Variants in CEP85L observed in about 807,000 individuals in gnomAD.
CEP85L encodes centrosomal protein 85L, also known as centrosomal protein of 85 kDa-like.
CEP85L carries 60 observed loss-of-function variants against 100.3 expected under a neutral mutation model. That is an observed-to-expected ratio of 0.60 (90% CI 0.49 to 0.74). The LOEUF (loss-of-function observed/expected upper bound fraction) is 0.74. Ranked by LOEUF, CEP85L falls within the 30% of genes least tolerant of loss-of-function variation. The pLI is 0.00. For synonymous variants in CEP85L, 319 were observed against 322.7 expected (o/e 0.99, Z 0.12); for missense variants, 973 against 936.2 (o/e 1.04, Z -0.51).
chr6:118,467,206 G>T (rs867539692), intron 12 of CEP85L, among the ~76,000 whole-genome samples: 2 of 152,032 alleles, frequency 1.3e-5, no homozygotes, highest in African/African-American at 4.8e-5. Context: ...TAAATGTCTG[G>T]GTAAAGGAGA....
At chr6:118,633,972 T>C (rs902211048) in intron 1 of CEP85L, among the ~76,000 whole-genome samples, 2 of 152,236 alleles carry the variant, frequency 1.3e-5, no homozygotes, top group Non-Finnish European at 2.9e-5. Flanking sequence ...ACTTAAAACA[T>C]TATTTCCACA....
At chr6:118,702,497 G>A (rs1777447578) in intron 1 of CEP85L, among the ~76,000 whole-genome samples, 1 of 152,166 alleles carries the variant, frequency 6.6e-6, no homozygotes, top group Non-Finnish European at 1.5e-5. Context: ...GGGTAACAGA[G>A]GGAGACCCCA....
intron 1 of CEP85L, among the ~76,000 whole-genome samples, chr6:118,706,808 C>A (rs1014736148): frequency 1.3e-5 from 2 of 152,044 alleles, no homozygotes; most frequent in Non-Finnish European, 2.9e-5. Flanking sequence ...CAATCACAAT[C>A]CCCTCCTCTT....
chr6:118,698,669 G>T (rs1777293676), intron 1 of CEP85L, among the ~76,000 whole-genome samples: 3 of 152,150 alleles, frequency 2.0e-5, no homozygotes, highest in Admixed American at 2.0e-4. Context: ...ACTTGACTTA[G>T]CCTACAGTTA....
intron 2 of CEP85L, among the ~76,000 whole-genome samples, chr6:118,600,300 G>GGGGGTGTGTGTGTGTGT (rs1562297733): frequency 1.5e-4 from 8 of 52,236 alleles, no homozygotes; most frequent in Admixed American, 2.1e-4. Context: ...CCTTCCTGGG[G>GGGGGTGTGTGTGTGTGT]GTGTGTGTGT....
In CEP85L at chr6:118,588,002, C is replaced by T. The variant is rs897540470; in HGVS notation, c.233-21686G>A. Among the ~76,000 whole-genome samples the T allele has an allele frequency of 3.9e-5, 6 of 152,218 alleles. No individual in the cohort carries two copies. The South Asian group carries it at 1.2e-3, about 32-fold the overall frequency. Reference sequence around the variant, plus strand: ...TTTGTGGCTCCTGGATACACTTAATCCTCCCAAGGCATTAGAAGGGAACTT... The same window carrying T: ...TTTGTGGCTCCTGGATACACTTAATTCTCCCAAGGCATTAGAAGGGAACTT... On this transcript the variant is annotated intron_variant, in intron 2 of 12. Coordinates refer to ENST00000368491, the MANE Select transcript of CEP85L (RefSeq NM_001042475.3).
At chr6:118,504,580 T>C (rs1242540629) in intron 5 of CEP85L, among the ~76,000 whole-genome samples, 2 of 152,202 alleles carry the variant, frequency 1.3e-5, no homozygotes, top group Non-Finnish European at 2.9e-5. Context: ...TGTTCATCTG[T>C]ATCTTTTCTA....
chr6:118,512,130 T>A (rs958260566), intron 4 of CEP85L, among the ~76,000 whole-genome samples: 1 of 152,070 alleles, frequency 6.6e-6, no homozygotes, highest in Admixed American at 6.5e-5. Flanking sequence ...CTCTTAGAGA[T>A]AGGTAACTAA....
At chr6:118,680,948 G>A (rs933371708) in intron 1 of CEP85L, among the ~76,000 whole-genome samples, 1 of 151,772 alleles carries the variant, frequency 6.6e-6, no homozygotes, top group African/African-American at 2.4e-5. Context: ...GCCTGACAAC[G>A]AGGAGGAGTT....
rs758310276 is a variant in CEP85L at position 118,566,205 on chromosome 6, C to T, written c.344G>A (p.Arg115Lys). The T allele has an allele frequency of 6.2e-6, 10 of 1,613,986 alleles. No individual in the cohort carries two copies. Among genetic ancestry groups the T allele is most frequent in the Non-Finnish European group, 8.5e-6 (10 of 1,180,024 alleles). The change falls in exon 3 of 13, where the codon AGG becomes AAG. Residue 115 changes from arginine (R) to lysine (K), a missense_variant. Around this residue, in one of 3 missense-constraint regions of CEP85L, gnomAD observed 890 missense variants for 844.5 expected, o/e 1.05. Coordinates refer to ENST00000368491, the MANE Select transcript of CEP85L (RefSeq NM_001042475.3). ...SNSSASISKL[R>K]ESLTPDGSKW... ...TGAGCCATCTGGTGTCAATGATTCC[C>T]TAAGTTTGGAAATTGAAGCGCTGGA...
intron 6 of CEP85L, among the ~76,000 whole-genome samples, chr6:118,485,364 T>C (rs946080679): frequency 1.3e-5 from 2 of 151,818 alleles, no homozygotes; most frequent in Admixed American, 6.6e-5. Flanking sequence ...GTTTCTTTCA[T>C]GTATTTTCTA....
intron 4 of CEP85L, among the ~76,000 whole-genome samples, chr6:118,519,581 TGGCGGG>T (rs1776534005): frequency 6.6e-4 from 2 of 3,036 alleles, no homozygotes; most frequent in African/African-American, 1.5e-3. Flanking sequence ...TGTGTGTGTG[TGGCGGG>T]GGGGGGGTGT....
intron 1 of CEP85L, among the ~76,000 whole-genome samples, chr6:118,686,970 T>C (rs62423960): frequency 0.22 from 33,830 of 152,122 alleles, 4,819 homozygotes; most frequent in Non-Finnish European, 0.32. Flanking sequence ...TGACCTCAGC[T>C]GACATGTTTC....
intron 10 of CEP85L, among the ~76,000 whole-genome samples, chr6:118,471,078 C>T (rs997069196): frequency 6.6e-6 from 1 of 151,948 alleles, no homozygotes; most frequent in Non-Finnish European, 1.5e-5. Context: ...ATGATATCAT[C>T]CCTATTTTCT....
At chr6:118,508,915 A>G (rs927843833) in intron 5 of CEP85L, among the ~76,000 whole-genome samples, 1 of 152,074 alleles carries the variant, frequency 6.6e-6, no homozygotes, top group African/African-American at 2.4e-5. Flanking sequence ...TTATTACTCT[A>G]TCTGCTGTTT....
chr6:118,565,753 T>C lies in CEP85L; in HGVS notation c.796A>G (p.Met266Val). 1 of 1,614,190 alleles carries C rather than the reference T, an allele frequency of 6.2e-7. No homozygotes were observed. Among genetic ancestry groups the C allele is most frequent in the Non-Finnish European group, 8.5e-7 (1 of 1,180,014 alleles). Residue 266 changes from methionine (M) to valine (V), a missense_variant, in exon 3 of 13, where the codon ATG becomes GTG. Around this residue, in one of 3 missense-constraint regions of CEP85L, gnomAD observed 890 missense variants for 844.5 expected, o/e 1.05. Coordinates refer to ENST00000368491, the MANE Select transcript of CEP85L (RefSeq NM_001042475.3). The stretch of plus-strand genomic sequence containing the variant: ...GGTTCAAAAGCCTCTGAGCTTGTCA[T>C]AATGGGCTTGCTTTCAGGTAAGGCA... ...YSALPESKPI[M>V]TSSEAFEPPK...
intron 3 of CEP85L, among the ~76,000 whole-genome samples, chr6:118,549,483 T>G (rs1028344575): frequency 4.0e-5 from 6 of 151,854 alleles, no homozygotes; most frequent in African/African-American, 1.4e-4. Flanking sequence ...TTCATATATA[T>G]GTTAAAATAA....
At chr6:118,474,183 C>T (rs1263338013) in intron 10 of CEP85L, among the ~76,000 whole-genome samples, 1 of 152,098 alleles carries the variant, frequency 6.6e-6, no homozygotes, top group East Asian at 1.9e-4. Flanking sequence ...AAACATTACT[C>T]AAGGAAATCT....
chr6:118,605,583 T>C (rs1020027089), intron 2 of CEP85L, among the ~76,000 whole-genome samples: 5 of 152,202 alleles, frequency 3.3e-5, no homozygotes, highest in Non-Finnish European at 7.3e-5. Flanking sequence ...GAGGGATCCA[T>C]GTGCTTTTAA....
Sources: gnomAD v4.1 joint callset for allele counts (sites outside exome capture counted in the v4.1 genomes callset) on GRCh38, gnomAD v4.1.1 for gene constraint, gnomAD v4.1.1 regional missense constraint, MANE v1.5 for transcripts, NCBI Gene and HGNC (gene_info 2026-07-23, HGNC 2026-07-21) for gene names.